FAT3: variants seen among roughly 807,000 people sequenced by gnomAD.
FAT3 encodes the protein FAT atypical cadherin 3, also known as protocadherin Fat 3.
FAT3 carries 95 observed loss-of-function variants against 310.2 expected under a neutral mutation model. The observed-to-expected ratio is 0.31, with a 90% CI of 0.26 to 0.36. The LOEUF is 0.36. Among genes scored for constraint, FAT3 ranks in the 10% least tolerant of loss-of-function variants. FAT3 has a pLI of 1.00. For synonymous variants in FAT3, 2,314 were observed against 2,192.9 expected, an observed-to-expected ratio of 1.06 and a Z score of -1.54; for missense variants, 5,408 against 5,715.6, an observed-to-expected ratio of 0.95 and a Z score of 1.74.
rs369681017 is a variant in FAT3, at chr11:92,800,993, G to T, written c.7980G>T (p.Met2660Ile). ...AAATCGATCCTGACAATGGCTGGAT[G>T]GTCACAAAGGGTAATTTTAACCAGC... ...LLEIDPDNGW[M>I]VTKGNFNQLK... The change falls in exon 10 of 28, where the codon ATG becomes ATT. Residue 2660 changes from methionine (M) to isoleucine (I), a missense_variant. Met to Ile is a conservative substitution (Grantham distance 10). Transcript: ENST00000525166. 59 of 1,613,368 alleles carry T rather than the reference G, an allele frequency of 3.7e-5. No individual in the cohort carries two copies. In the East Asian group the frequency reaches 8.9e-4, roughly 24 times the overall value.
intron 3 of FAT3, among the ~76,000 whole-genome samples, chr11:92,643,688 C>T (rs1285050540): frequency 1.3e-5 from 2 of 152,204 alleles, no homozygotes; most frequent in Non-Finnish European, 2.9e-5. Context: ...ATTATGAATT[C>T]CCCAATTGTG....
intron 1 of FAT3, among the ~76,000 whole-genome samples, chr11:92,298,477 G>A (rs1946905904): frequency 6.6e-6 from 1 of 151,988 alleles, no homozygotes; most frequent in Non-Finnish European, 1.5e-5. Flanking sequence ...TAGCTTTCTA[G>A]TTTCCAAACT....
At chr11:92,323,800 C>G (rs922337533) in intron 1 of FAT3, among the ~76,000 whole-genome samples, 1 of 152,198 alleles carries the variant, frequency 6.6e-6, no homozygotes, top group African/African-American at 2.4e-5. Flanking sequence ...CAGCCCCTAA[C>G]AAGAGAGTTA....
chr11:92,770,803 G>A lies in FAT3; in HGVS notation c.4196-3238G>A, dbSNP rs545550367. Among the ~76,000 whole-genome samples the A allele has an allele frequency of 2.6e-5, 4 of 152,262 alleles. No individual in the cohort carries two copies. The East Asian group carries it at 7.7e-4, about 29-fold the overall frequency. On this transcript the variant is annotated intron_variant, in intron 6 of 27. Transcript: ENST00000525166. ...TTAAAGAAAAACTAGACTGAATCAC[G>A]GCCCAGTGCTCCAATGCCCAGCATA...
At chr11:92,453,698 T>C (rs1396752922) in intron 2 of FAT3, among the ~76,000 whole-genome samples, 1 of 152,188 alleles carries the variant, frequency 6.6e-6, no homozygotes, top group African/African-American at 2.4e-5. Context: ...ATTAAGACTC[T>C]ATTGTTTTTG....
intron 3 of FAT3, among the ~76,000 whole-genome samples, chr11:92,600,398 AC>A (rs1939958074): frequency 6.6e-6 from 1 of 152,042 alleles, no homozygotes; most frequent in Non-Finnish European, 1.5e-5. Context: ...GAGAAGACTT[AC>A]GTTTCTACAA....
At chr11:92,604,538 A>C (rs567345510) in intron 3 of FAT3, among the ~76,000 whole-genome samples, 2 of 152,276 alleles carry the variant, frequency 1.3e-5, no homozygotes, top group South Asian at 4.2e-4. Context: ...ACTCTTCCAA[A>C]TACAGAATTT....
At chr11:92,471,915 C>CTATATACA (rs1951915610) in intron 2 of FAT3, among the ~76,000 whole-genome samples, 2 of 124,940 alleles carry the variant, frequency 1.6e-5, no homozygotes, top group East Asian at 5.1e-4. Context: ...TTTTCATATG[C>CTATATACA]TATATATATA....
chr11:92,339,622 G>A (rs372212429), intron 1 of FAT3, among the ~76,000 whole-genome samples: 44 of 152,308 alleles, frequency 2.9e-4, no homozygotes, highest in African/African-American at 1.0e-3. Context: ...AGACCTAATT[G>A]TGGAGATGAC....
chr11:92,863,109 G>A (rs568151703), intron 21 of FAT3, among the ~76,000 whole-genome samples: 14 of 152,146 alleles, frequency 9.2e-5, no homozygotes, highest in African/African-American at 2.6e-4. Context: ...TTGTATTTTT[G>A]TTTGTGGGTT....
intron 19 of FAT3, among the ~76,000 whole-genome samples, chr11:92,855,421 T>C (rs912161294): frequency 1.3e-5 from 2 of 151,762 alleles, no homozygotes; most frequent in Admixed American, 1.3e-4. Flanking sequence ...AGTTATCTTA[T>C]TATATTATCA....
chr11:92,749,138 G>T (rs2136048006), intron 4 of FAT3: 1 of 152,284 alleles, frequency 6.6e-6, no homozygotes, highest in Non-Finnish European at 1.5e-5. Flanking sequence ...TTTAAGGTTT[G>T]TGAAACATTT....
chr11:92,554,744 CAA>C (rs1379564347), intron 3 of FAT3, among the ~76,000 whole-genome samples: 2 of 152,134 alleles, frequency 1.3e-5, no homozygotes, highest in Non-Finnish European at 2.9e-5. Flanking sequence ...TGGTTACAGG[CAA>C]AGTCTCCTTT....
intron 2 of FAT3, among the ~76,000 whole-genome samples, chr11:92,402,112 A>G (rs962585563): frequency 1.3e-5 from 2 of 152,224 alleles, no homozygotes; most frequent in Non-Finnish European, 2.9e-5. Context: ...ATGCAAGCCT[A>G]TATAGGTAAT....
intron 3 of FAT3, among the ~76,000 whole-genome samples, chr11:92,620,254 T>C (rs183289846): frequency 6.6e-6 from 1 of 152,302 alleles, no homozygotes; most frequent in Non-Finnish European, 1.5e-5. Flanking sequence ...TTATTAAGGA[T>C]TGTTCTATGG....
chr11:92,507,295 T>C (rs1953134454), intron 2 of FAT3, among the ~76,000 whole-genome samples: 1 of 152,106 alleles, frequency 6.6e-6, no homozygotes, highest in African/African-American at 2.4e-5. Context: ...AGAAACTCAA[T>C]TAGAGAAAAC....
intron 1 of FAT3, among the ~76,000 whole-genome samples, chr11:92,266,684 C>G (rs1280533091): frequency 2.0e-5 from 3 of 152,136 alleles, no homozygotes; most frequent in African/African-American, 7.2e-5. Context: ...AGCAAGCTCT[C>G]TGCTCAGGGA....
chr11:92,443,535 C>A (rs371640322), intron 2 of FAT3, among the ~76,000 whole-genome samples: 26 of 152,294 alleles, frequency 1.7e-4, no homozygotes, highest in Admixed American at 5.2e-4. Flanking sequence ...AGATGAATAA[C>A]CATGTGGTCT....
intron 3 of FAT3, among the ~76,000 whole-genome samples, chr11:92,545,296 T>C (rs1412900668): frequency 1.3e-5 from 2 of 152,192 alleles, no homozygotes; most frequent in Non-Finnish European, 2.9e-5. Context: ...GCTTTATTTC[T>C]TTTTATCGCT....
Sources: gnomAD v4.1 joint callset for allele counts (sites outside exome capture counted in the v4.1 genomes callset) on GRCh38, gnomAD v4.1.1 for gene constraint, MANE v1.5 for transcripts, NCBI Gene and HGNC (gene_info 2026-07-23, HGNC 2026-07-21) for gene names.